Variants in SLC25A46 observed in about 807,000 individuals in gnomAD.
SLC25A46 encodes the protein solute carrier family 25 member 46, also known as mitochondrial outer membrane protein SLC25A46.
In SLC25A46, 39 loss-of-function variants were observed where a neutral mutation model predicts 44.6. The observed-to-expected ratio is 0.87, with a 90% CI of 0.68 to 1.14. The LOEUF (loss-of-function observed/expected upper bound fraction) is 1.14. Ranked by LOEUF, SLC25A46 falls within the 50% of genes most tolerant of loss-of-function variation. The pLI is 0.00. For synonymous variants in SLC25A46, 202 were observed against 185.8 expected, an observed-to-expected ratio of 1.09 and a Z score of -0.71; for missense variants, 547 against 522.7, an observed-to-expected ratio of 1.05 and a Z score of -0.45.
upstream of SLC25A46, chr5:110,738,170 T>C (rs78443964): frequency 4.0e-3 from 5,049 of 1,250,108 alleles, 177 homozygotes; most frequent in African/African-American, 0.071. Flanking sequence ...TGAAGGAACA[T>C]AGGATGAAAC....
chr5:110,754,540 TCTTC>T (rs1045905944), intron 5 of SLC25A46: 1 of 151,636 alleles, frequency 6.6e-6, no homozygotes, highest in South Asian at 2.1e-4. Context: ...CTTTTTTTTT[TCTTC>T]CTTCCTTTTT....
chr5:110,740,618 G>C (rs1799643573), intron 1 of SLC25A46, among the ~76,000 whole-genome samples: 1 of 152,118 alleles, frequency 6.6e-6, no homozygotes, highest in South Asian at 2.1e-4. Flanking sequence ...GAAAATGCTA[G>C]TAGCATTTTC....
Position 110,739,417 on chromosome 5 carries a change from G to C in SLC25A46, c.283+15G>C. ...GCAGAGCAGTGGTGAGAAGCATGGGGACCGACACAGGGATGAGGGGTTACT... is the reference window on the plus strand; with the variant it reads ...GCAGAGCAGTGGTGAGAAGCATGGGCACCGACACAGGGATGAGGGGTTACT... On this transcript the variant is annotated intron_variant, in intron 1 of 7. Transcript: ENST00000355943. The C allele has an allele frequency of 6.5e-7, 1 of 1,536,196 alleles. No homozygotes were observed. Among genetic ancestry groups the C allele is most frequent in the Admixed American group, 2.0e-5 (1 of 49,430 alleles).
In SLC25A46 at chr5:110,764,805, A is replaced by C. The variant is rs1800348410; in HGVS notation, c.*3023A>C. On this transcript the variant is annotated 3_prime_UTR_variant, in exon 8 of 8. Coordinates refer to ENST00000355943, the MANE Select transcript of SLC25A46 (RefSeq NM_138773.4). ...GATAGCCAGGTTTGAATTATTTGCA[A>C]AATTTATATAAGCAAATAAGATCTC... The C allele has an allele frequency of 6.6e-6, 1 of 152,006 alleles. No individual in the cohort carries two copies. The highest frequency in any genetic ancestry group is 1.5e-5 in the Non-Finnish European group (1 of 67,928). The allele number at this position is 152,006 out of a possible 1,614,324, so 9.4% of individuals were successfully genotyped here. A position where few individuals can be genotyped will look rare whatever the true frequency, so the allele number is the denominator to read the frequency against.
intron 5 of SLC25A46, 63 bp downstream of exon 5, chr5:110,748,326 G>A (rs995813014): frequency 1.3e-5 from 17 of 1,326,718 alleles, no homozygotes; most frequent in African/African-American, 5.8e-5. Flanking sequence ...AGATGCAGGC[G>A]GTACATGTGC....
chr5:110,760,260 G>A (rs1055981725), intron 7 of SLC25A46, among the ~76,000 whole-genome samples: 1 of 152,070 alleles, frequency 6.6e-6, no homozygotes, highest in Admixed American at 6.6e-5. Context: ...TAGGATAAAA[G>A]CACAATTGAA....
At position 110,763,648 on chromosome 5, in the gene SLC25A46, A is replaced by G. The variant is rs1300136315; in HGVS notation, c.*1866A>G. ...CAAGTATTTACTAGTGAAAATCTGT[A>G]GGATCCTTTGTTTAGCTAAAAATTA... is the stretch of plus-strand genomic sequence containing the variant. On this transcript the variant is annotated 3_prime_UTR_variant, in exon 8 of 8. Coordinates refer to ENST00000355943, the MANE Select transcript of SLC25A46 (RefSeq NM_138773.4). 6.6e-6 allele frequency: 1 copy of G among 151,860 alleles called. No homozygotes were observed. The highest frequency in any genetic ancestry group is 2.4e-5 in the African/African-American group (1 of 41,410). The allele number at this position is 151,860 out of a possible 1,614,324, so 9.4% of individuals were successfully genotyped here. A position where few individuals can be genotyped will look rare whatever the true frequency, so the allele number is the denominator to read the frequency against.
Position 110,762,698 on chromosome 5 carries a change from C to T in SLC25A46, c.*916C>T, listed in dbSNP as rs1005429384. On this transcript the variant is annotated 3_prime_UTR_variant, in exon 8 of 8. Coordinates refer to ENST00000355943, the MANE Select transcript of SLC25A46 (RefSeq NM_138773.4). ...ACAATTACTACTGTTTCCACATTTA[C>T]AAATTGTGTACTTAAATGAACCTCA... The T allele has an allele frequency of 3.3e-5, 5 of 151,876 alleles. No homozygotes were observed. The allele number at this position is 151,876 out of a possible 1,614,324, so 9.4% of individuals were successfully genotyped here.
Position 110,739,174 on chromosome 5 carries a change from C to G in SLC25A46, c.55C>G (p.Arg19Gly). Residue 19 changes from arginine (R) to glycine (G), a missense_variant, in exon 1 of 8, where the codon CGG (arginine) becomes GGG (glycine). Arg to Gly is a moderately radical substitution (Grantham distance 125). Coordinates refer to ENST00000355943, the MANE Select transcript of SLC25A46 (RefSeq NM_138773.4). Reference protein sequence around the residue: ...FDGLGYRGGARDEQGFGGAFP... With the variant: ...FDGLGYRGGAGDEQGFGGAFP... ...TGGCTTGGGCTACCGGGGTGGTGCC[C>G]GGGACGAGCAGGGCTTTGGCGGCGC... 1 of 1,551,036 alleles carries G rather than the reference C, an allele frequency of 6.4e-7. No homozygotes were observed. Among genetic ancestry groups the G allele is most frequent in the Non-Finnish European group, 8.7e-7 (1 of 1,147,350 alleles).
chr5:110,741,015 TA>T (rs1161801350), intron 1 of SLC25A46, among the ~76,000 whole-genome samples: 1 of 152,200 alleles, frequency 6.6e-6, no homozygotes, highest in African/African-American at 2.4e-5. Context: ...AGAAGCTTTC[TA>T]TTTAGCTTAT....
Position 110,749,998 on chromosome 5 carries a change from A to AT in SLC25A46, c.563+1741dup, listed in dbSNP as rs199672785. ...CCAAATTTATTCTCTGGCAAGGTGA[A>AT]TTTTTTGCATTGTTAAAGAAGTGAG... On this transcript the variant is annotated intron_variant, in intron 5 of 7. Transcript: ENST00000355943. 5.3e-3 allele frequency among the ~76,000 whole-genome samples: 801 copies of AT among 152,156 alleles called. 6 individuals carry two copies. Among genetic ancestry groups the AT allele is most frequent in the Non-Finnish European group, 9.0e-3 (610 of 68,000 alleles).
At chr5:110,750,112 T>G (rs1799925607) in intron 5 of SLC25A46, among the ~76,000 whole-genome samples, 2 of 152,026 alleles carry the variant, frequency 1.3e-5, no homozygotes, top group African/African-American at 4.8e-5. Context: ...CAAGAGAAAC[T>G]GATAGTAAGC....
intron 5 of SLC25A46, 112 bp from the exon 6 acceptor site, chr5:110,755,353 C>G: frequency 1.5e-6 from 1 of 656,250 alleles, no homozygotes; most frequent in Non-Finnish European, 2.7e-6. Context: ...ATATATTTCT[C>G]CTACAGATTG....
At chr5:110,753,983 A>G (rs1272826860) in intron 5 of SLC25A46, 1 of 151,860 alleles carries the variant, frequency 6.6e-6, no homozygotes, top group East Asian at 1.9e-4. Flanking sequence ...GGGAGGCCTA[A>G]TCTATTTTTT....
intron 5 of SLC25A46, among the ~76,000 whole-genome samples, chr5:110,748,806 G>A (rs957908055): frequency 3.9e-5 from 6 of 152,106 alleles, no homozygotes; most frequent in African/African-American, 9.7e-5. Context: ...TCTTATGTTT[G>A]GAATATTGGG....
intron 5 of SLC25A46, chr5:110,754,971 A>G (rs1367411115): frequency 6.6e-6 from 1 of 152,520 alleles, no homozygotes; most frequent in African/African-American, 2.4e-5. Context: ...CACAAAGATA[A>G]TAGAATATAA....
At chr5:110,744,797 C>T (rs1396970847) in intron 3 of SLC25A46, among the ~76,000 whole-genome samples, 6 of 152,030 alleles carry the variant, frequency 3.9e-5, no homozygotes, top group Admixed American at 6.5e-5. Context: ...AATGATGTTC[C>T]GTGAAAAAAG....
intron 7 of SLC25A46, among the ~76,000 whole-genome samples, chr5:110,760,286 T>C (rs894775131): frequency 6.6e-6 from 1 of 152,136 alleles, no homozygotes; most frequent in African/African-American, 2.4e-5. Context: ...TTACTTCTGT[T>C]GCCACCTTCT....
intron 5 of SLC25A46, among the ~76,000 whole-genome samples, chr5:110,749,515 A>AG (rs573440195): frequency 1.1e-4 from 16 of 140,560 alleles, no homozygotes; most frequent in Admixed American, 2.9e-4. Context: ...AGCGGTGGGA[A>AG]GGGGGGTAGT....
Sources: gnomAD v4.1 joint callset for allele counts (sites outside exome capture counted in the v4.1 genomes callset) on GRCh38, gnomAD v4.1.1 for gene constraint, MANE v1.5 for transcripts, NCBI Gene and HGNC (gene_info 2026-07-23, HGNC 2026-07-21) for gene names.